Variants in GSTZ1 observed in about 807,000 individuals in gnomAD.
GSTZ1 encodes the protein glutathione S-transferase zeta 1.
GSTZ1 carries 34 observed loss-of-function variants against 35.9 expected under a neutral mutation model. That is an observed-to-expected ratio of 0.95 (90% CI 0.72 to 1.26). The LOEUF is 1.26. Among genes scored for constraint, GSTZ1 ranks in the 50% most tolerant of loss-of-function variants. The pLI, the probability that GSTZ1 is intolerant of heterozygous loss-of-function variation, is 0.00. For synonymous variants in GSTZ1, 93 were observed against 101.2 expected (o/e 0.92, Z 0.49); for missense variants, 263 against 271.7 (o/e 0.97, Z 0.23).
intron 3 of GSTZ1, chr14:77,327,180 T>TAC: frequency 1.7e-6 from 1 of 592,280 alleles, no homozygotes; most frequent in Admixed American, 3.0e-5. Flanking sequence ...CCCCACCCCA[T>TAC]ACTGGGCCCT....
At chr14:77,322,045 G>A (rs1452001916) in intron 1 of GSTZ1, among the ~76,000 whole-genome samples, 2 of 152,174 alleles carry the variant, frequency 1.3e-5, no homozygotes, top group Non-Finnish European at 2.9e-5. Context: ...AAGCGGTCTA[G>A]ATGGTTCTTA....
chr14:77,324,421 C>T, intron 1 of GSTZ1: 1 of 639,654 alleles, frequency 1.6e-6, no homozygotes, highest in Non-Finnish European at 2.8e-6. Context: ...GCTGGGATTA[C>T]AGGCGTGAGC....
At position 77,321,124 on chromosome 14, in the gene GSTZ1, C is replaced by G; in HGVS notation, c.-45C>G. The G allele has an allele frequency of 1.4e-6, 2 of 1,443,648 alleles. No individual in the cohort carries two copies. The highest frequency in any genetic ancestry group is 1.5e-5 in the South Asian group (1 of 68,624). The allele number at this position is 1,443,648 out of a possible 1,614,324, so 89.4% of individuals were successfully genotyped here. A position where few individuals can be genotyped will look rare whatever the true frequency, so the allele number is the denominator to read the frequency against. ...GCCTTAGTCGTCGGCAGGTCCCAGG[C>G]GCGAAGTTTCTCGGCCTGGAGGAGG... On this transcript the variant is annotated 5_prime_UTR_variant, in exon 1 of 9. Coordinates refer to ENST00000216465, the MANE Select transcript of GSTZ1 (RefSeq NM_145870.3).
Position 77,326,925 on chromosome 14 carries a change from A to C in GSTZ1, c.135+20A>C. On this transcript the variant is annotated intron_variant, in intron 3 of 8. Coordinates refer to ENST00000216465, the MANE Select transcript of GSTZ1 (RefSeq NM_145870.3). ...CAACAGGTAAGAAGGCTGTGCCCAG[A>C]CCACAATGTGGGAATTGGAGGCCTT... 1 of 1,563,796 alleles carries C rather than the reference A, an allele frequency of 6.4e-7. No individual in the cohort carries two copies. The highest frequency in any genetic ancestry group is 8.8e-7 in the Non-Finnish European group (1 of 1,140,266).
Position 77,327,916 on chromosome 14 carries a change from C to T in GSTZ1, c.221C>T (p.Ala74Val). Residue 74 changes from alanine (A) to valine (V), a missense_variant, in exon 5 of 9, where the codon GCC becomes GTC. By Grantham distance (64) the Ala-to-Val change is moderately conservative. Transcript: ENST00000216465. ...IDGITIHQSLAIIEYLEEMRP... is the reference protein window; with the variant it reads ...IDGITIHQSLVIIEYLEEMRP... ...TCACTGCTCCCCTCTGGACAGCTGG[C>T]CATCATTGAGTATCTAGAGGAGATG... 1 of 1,613,846 alleles carries T rather than the reference C, an allele frequency of 6.2e-7. No homozygotes were observed.
intron 1 of GSTZ1, among the ~76,000 whole-genome samples, chr14:77,321,848 A>G (rs188176800): frequency 2.0e-5 from 3 of 149,324 alleles, no homozygotes; most frequent in African/African-American, 7.4e-5. Flanking sequence ...GCGCCACTGC[A>G]CTCCAGCCTG....
At position 77,331,245 on chromosome 14, in the gene GSTZ1, T is replaced by C. The variant is rs565012735; in HGVS notation, c.*50T>C. 15 of 1,577,078 alleles carry C rather than the reference T, an allele frequency of 9.5e-6. No individual in the cohort carries two copies. Among genetic ancestry groups the C allele is most frequent in the African/African-American group, 4.1e-5 (3 of 73,986 alleles). On this transcript the variant is annotated 3_prime_UTR_variant, in exon 9 of 9. Coordinates refer to ENST00000216465, the MANE Select transcript of GSTZ1 (RefSeq NM_145870.3). ...CAGGGCCACAGGAGCAGAAGCTGGG[T>C]GGGCTGAAGAGGCCTGGAAACGAGA...
chr14:77,331,340 C>A lies in GSTZ1; in HGVS notation c.*145C>A. On this transcript the variant is annotated 3_prime_UTR_variant, in exon 9 of 9. Transcript: ENST00000216465. ...TGCCTTCCTGCTGAAACTTGTTCCA[C>A]CTCAGTCCCCTCATCTGTCACACGC... is the stretch of plus-strand genomic sequence containing the variant. 1 of 879,534 alleles carries A rather than the reference C, an allele frequency of 1.1e-6. No homozygotes were observed. The highest frequency in any genetic ancestry group is 1.7e-6 in the Non-Finnish European group (1 of 593,330). 54.5% of individuals were successfully genotyped at this position (879,534 alleles called of 1,614,324 possible). A position where few individuals can be genotyped will look rare whatever the true frequency, so the allele number is the denominator to read the frequency against.
At chr14:77,329,269 C>T (rs1056414501) in intron 6 of GSTZ1, 68 bp downstream of exon 6, 3 of 1,050,492 alleles carry the variant, frequency 2.9e-6, no homozygotes, top group African/African-American at 1.6e-5. Flanking sequence ...CACACAGGGG[C>T]CTGGGTATCT....
chr14:77,328,140 G>T, intron 5 of GSTZ1, 103 bp downstream of exon 5: 8 of 1,148,308 alleles, frequency 7.0e-6, no homozygotes, highest in Non-Finnish European at 7.6e-6. Flanking sequence ...TCAAGGGAGG[G>T]AGGGGGATTC....
At chr14:77,329,867 C>T (rs1371918680) in intron 7 of GSTZ1, 60 bp downstream of exon 7, 2 of 1,254,072 alleles carry the variant, frequency 1.6e-6, no homozygotes, top group African/African-American at 2.9e-5. Context: ...TCATGCTGAC[C>T]TCCCTCAAGC....
chr14:77,330,092 T>C (rs1732879712), intron 7 of GSTZ1: 4 of 693,838 alleles, frequency 5.8e-6, no homozygotes, highest in South Asian at 3.0e-5. Flanking sequence ...ACCCACAGAG[T>C]TGGTTGTCAG....
intron 8 of GSTZ1, 81 bp from the exon 9 acceptor site, chr14:77,330,988 C>T (rs1892598191): frequency 2.1e-6 from 3 of 1,414,314 alleles, no homozygotes; most frequent in Non-Finnish European, 2.9e-6. Context: ...CCAGCCCTGC[C>T]TCTCTGCTCC....
chr14:77,328,083 TACACTC>T, intron 5 of GSTZ1, 46 bp downstream of exon 5: 7 of 1,606,030 alleles, frequency 4.4e-6, no homozygotes, highest in Non-Finnish European at 5.1e-6. Flanking sequence ...GACACACTCT[TACACTC>T]ACACATTGGC....
chr14:77,324,940 C>G lies in GSTZ1; in HGVS notation c.67+19C>G, dbSNP rs544074455. On this transcript the variant is annotated intron_variant, in intron 2 of 8. Transcript: ENST00000216465. ...CGAATTGGTAAGAGATGTGCCTCCT[C>G]CAGGATGAGTGCTGGAGTGGGGTGG... The G allele has an allele frequency of 2.5e-6, 4 of 1,604,808 alleles. No individual in the cohort carries two copies. The South Asian group carries it at 4.4e-5, about 18-fold the overall frequency.
rs1438780672 is a variant in GSTZ1 at position 77,327,517 on chromosome 14, A to T, written c.181A>T (p.Thr61Ser). The change falls in exon 4 of 9, where the codon ACC becomes TCC. Residue 61 changes from threonine (T) to serine (S), a missense_variant. Thr to Ser is a moderately conservative substitution (Grantham distance 58). Coordinates refer to ENST00000216465, the MANE Select transcript of GSTZ1 (RefSeq NM_145870.3). ...ACTGAATCCTATGAAGCAGGTGCCAACCCTGAAGATTGATGGAATCACCAT... is the reference window on the plus strand; with the variant it reads ...ACTGAATCCTATGAAGCAGGTGCCATCCCTGAAGATTGATGGAATCACCAT... The part of the protein sequence containing the change: ...QALNPMKQVP[T>S]LKIDGITIHQ... The T allele has an allele frequency of 1.9e-6, 3 of 1,608,748 alleles. No homozygotes were observed. The highest frequency in any genetic ancestry group is 1.1e-5 in the South Asian group (1 of 90,004).
intron 1 of GSTZ1, among the ~76,000 whole-genome samples, chr14:77,322,087 G>A (rs1329306566): frequency 6.6e-6 from 1 of 152,128 alleles, no homozygotes; most frequent in Non-Finnish European, 1.5e-5. Context: ...CCACTTTTGT[G>A]GCACTAAGGA....
At chr14:77,330,940 C>T in intron 8 of GSTZ1, 129 bp from the exon 9 acceptor site, 1 of 778,634 alleles carries the variant, frequency 1.3e-6, no homozygotes, top group Admixed American at 2.3e-5. Context: ...ATAAGGGCTG[C>T]CCCATCGTCC....
rs753340664 is a variant in GSTZ1 at position 77,328,043 on chromosome 14, GCACT to G, written c.342+7_342+10del. ...GTGGCATCCAGCCCCTGCAGGTGTG[GCACT>G]TGTACACTTGCACCCTTGCACACCT... On this transcript the variant is annotated splice_region_variant and intron_variant, in intron 5 of 8. Transcript: ENST00000216465. The G allele has an allele frequency of 8.7e-6, 14 of 1,613,098 alleles. No homozygotes were observed. The Admixed American group carries it at 2.3e-4, about 27-fold the overall frequency.
Sources: allele counts gnomAD v4.1 joint callset (sites outside exome capture counted in the v4.1 genomes callset), GRCh38; gene constraint gnomAD v4.1.1; transcripts MANE v1.5; gene names NCBI Gene and HGNC (gene_info 2026-07-23, HGNC 2026-07-21).